The following TLN2 variants were observed in gnomAD, a reference collection of about 807,000 sequenced individuals.
TLN2 encodes the protein talin-2.
A neutral mutation model predicts 294.7 loss-of-function variants in TLN2; 118 were observed. The ratio of observed to expected loss-of-function variants is 0.40; its 90% CI spans 0.34 to 0.47. TLN2 has a LOEUF of 0.47. Among genes scored for constraint, TLN2 ranks in the 20% least tolerant of loss-of-function variants. TLN2 has a pLI of 0.84. For synonymous variants in TLN2, 1,431 were observed against 1,304.5 expected, an observed-to-expected ratio of 1.10 and a Z score of -2.09; for missense variants, 3,083 against 3,282.2, an observed-to-expected ratio of 0.94 and a Z score of 1.48.
Position 62,738,223 on chromosome 15 carries a change from G to A in TLN2, c.3577G>A (p.Ala1193Thr). The A allele has an allele frequency of 6.2e-7, 1 of 1,613,736 alleles. No individual in the cohort carries two copies. Among genetic ancestry groups the A allele is most frequent in the South Asian group, 1.1e-5 (1 of 90,910 alleles). ...CTCTCCACGAATTCAGGTGGCTAAA[G>A]CCGTCTCACACTCCTTGAATAACTG... ...RQQRLAQVAK[A>T]VSHSLNNCVN... Residue 1193 changes from alanine (A) to threonine (T), a missense_variant, in exon 30 of 59, where the codon GCC becomes ACC. Transcript: ENST00000636159.
At chr15:62,550,481 C>T (rs1316833202) in intron 1 of TLN2, among the ~76,000 whole-genome samples, 1 of 152,094 alleles carries the variant, frequency 6.6e-6, no homozygotes, top group Non-Finnish European at 1.5e-5. Flanking sequence ...GGAGGCCACT[C>T]TACAAATTGC....
intron 28 of TLN2, among the ~76,000 whole-genome samples, chr15:62,730,882 C>A (rs904171542): frequency 2.0e-5 from 3 of 152,182 alleles, no homozygotes; most frequent in African/African-American, 7.2e-5. Flanking sequence ...TTCAAAAAAT[C>A]AACCTTTGTT....
intron 12 of TLN2, among the ~76,000 whole-genome samples, chr15:62,688,082 T>C (rs1348907351): frequency 6.6e-6 from 1 of 152,218 alleles, no homozygotes; most frequent in Non-Finnish European, 1.5e-5. Flanking sequence ...TGTTTTGTTT[T>C]ACATCTTGTA....
chr15:62,796,392 T>C (rs796341911), intron 47 of TLN2, 99 bp downstream of exon 47: 17 of 1,383,306 alleles, frequency 1.2e-5, no homozygotes, highest in Middle Eastern at 2.2e-4. Context: ...AATGTAGTTA[T>C]CTGTTTTGAT....
intron 45 of TLN2, among the ~76,000 whole-genome samples, chr15:62,791,768 G>T (rs926717935): frequency 1.3e-5 from 2 of 152,296 alleles, no homozygotes; most frequent in Admixed American, 6.5e-5. Context: ...TGCCTACCTG[G>T]GCTGGAAGGC....
At chr15:62,582,246 A>ACACCCCC (rs764248336) in intron 1 of TLN2, among the ~76,000 whole-genome samples, 2 of 137,240 alleles carry the variant, frequency 1.5e-5, no homozygotes, top group Non-Finnish European at 3.2e-5. Flanking sequence ...ACACACACAC[A>ACACCCCC]CATTCATGCC....
At chr15:62,577,061 CAGAT>C (rs1361267778) in intron 1 of TLN2, among the ~76,000 whole-genome samples, 1 of 152,168 alleles carries the variant, frequency 6.6e-6, no homozygotes, top group African/African-American at 2.4e-5. Flanking sequence ...CAACAGGGAT[CAGAT>C]AGAGTATGAT....
At chr15:62,685,006 G>A (rs1450177924) in intron 11 of TLN2, among the ~76,000 whole-genome samples, 8 of 151,404 alleles carry the variant, frequency 5.3e-5, no homozygotes, top group African/African-American at 1.9e-4. Flanking sequence ...AGGTGTTGTT[G>A]CTAGGTTTCA....
At chr15:62,509,424 G>A (rs950143055) in intron 1 of TLN2, among the ~76,000 whole-genome samples, 28 of 152,118 alleles carry the variant, frequency 1.8e-4, no homozygotes, top group African/African-American at 6.0e-4. Flanking sequence ...AGTGTTTATC[G>A]TGTGATAATA....
chr15:62,400,818 T>G (rs1319508074), intron 1 of TLN2, among the ~76,000 whole-genome samples: 1 of 150,032 alleles, frequency 6.7e-6, no homozygotes, highest in Non-Finnish European at 1.5e-5. Context: ...TCCGGTTTTT[T>G]TTTTTTTTTT....
intron 57 of TLN2, among the ~76,000 whole-genome samples, chr15:62,837,038 C>T (rs2069741856): frequency 1.3e-5 from 2 of 152,062 alleles, no homozygotes; most frequent in South Asian, 4.1e-4. Flanking sequence ...ATTTTGTTTC[C>T]AATTTTCGAG....
At chr15:62,580,217 G>A (rs547383519) in intron 1 of TLN2, among the ~76,000 whole-genome samples, 2 of 152,056 alleles carry the variant, frequency 1.3e-5, no homozygotes, top group Non-Finnish European at 2.9e-5. Flanking sequence ...GCAGTTTTGG[G>A]TTTACAACAA....
chr15:62,395,960 C>T (rs1057483814), intron 1 of TLN2, among the ~76,000 whole-genome samples: 14 of 151,986 alleles, frequency 9.2e-5, no homozygotes, highest in Admixed American at 5.2e-4. Flanking sequence ...CTAGGCTTCC[C>T]GAGTAGCTGG....
At chr15:62,675,085 G>T (rs544417936) in intron 10 of TLN2, 132 bp from the exon 11 acceptor site, 2 of 776,308 alleles carry the variant, frequency 2.6e-6, no homozygotes, top group South Asian at 3.5e-5. Context: ...TCATGGAGGG[G>T]TCTCAGACAC....
chr15:62,819,707 G>A (rs950981116), intron 53 of TLN2, 86 bp downstream of exon 53: 12 of 1,209,558 alleles, frequency 9.9e-6, no homozygotes, highest in South Asian at 1.3e-5. Context: ...AAGCACAGAC[G>A]GCAATGGCCT....
rs544209032 is a variant in TLN2 at position 62,792,517 on chromosome 15, A to G, written c.5737-124A>G. On this transcript the variant is annotated intron_variant, in intron 45 of 58. Coordinates refer to ENST00000636159, the MANE Select transcript of TLN2 (RefSeq NM_015059.3). ...CATACTTCACCAAACACAGACTCCT[A>G]ATAGGAGTGGAATTTTCCTAGCCAG... The G allele has an allele frequency of 9.1e-5, 120 of 1,311,686 alleles. No individual in the cohort carries two copies. In the African/African-American group the frequency reaches 9.6e-4, roughly 10 times the overall value. The allele number at this position is 1,311,686 out of a possible 1,614,324, so 81.3% of individuals were successfully genotyped here. A position where few individuals can be genotyped will look rare whatever the true frequency, so the allele number is the denominator to read the frequency against.
chr15:62,700,443 G>GT (rs1009961744), intron 16 of TLN2, among the ~76,000 whole-genome samples: 6 of 152,188 alleles, frequency 3.9e-5, no homozygotes. Flanking sequence ...AGCTGGAAAG[G>GT]TTTTTAAAAA....
chr15:62,664,782 T>A, intron 9 of TLN2, among the ~76,000 whole-genome samples: 1 of 131,038 alleles, frequency 7.6e-6, no homozygotes, highest in Non-Finnish European at 1.5e-5. Context: ...CACTTGAACC[T>A]GGGAGGCGGA....
chr15:62,716,710 T>C (rs943699171), intron 23 of TLN2, among the ~76,000 whole-genome samples: 1 of 152,200 alleles, frequency 6.6e-6, no homozygotes, highest in Non-Finnish European at 1.5e-5. Flanking sequence ...TTTTTTTTTC[T>C]ATCATTAAAG....
Sources: gnomAD v4.1 joint callset for allele counts (sites outside exome capture counted in the v4.1 genomes callset) on GRCh38, gnomAD v4.1.1 for gene constraint, MANE v1.5 for transcripts, NCBI Gene and HGNC (gene_info 2026-07-23, HGNC 2026-07-21) for gene names.